The following REL variants were observed in gnomAD, a reference collection of about 807,000 sequenced individuals.
The protein encoded by REL is proto-oncogene c-Rel.
A neutral mutation model predicts 45.9 loss-of-function variants in REL; 15 were observed. That is an observed-to-expected ratio of 0.33 (90% CI 0.22 to 0.50). The LOEUF (loss-of-function observed/expected upper bound fraction) is 0.50, where lower values mean the gene tolerates loss of function less well. REL is among the 20% of genes least tolerant of loss of function. The pLI, the probability that REL is intolerant of heterozygous loss-of-function variation, is 0.98. For missense variants in REL, 601 were observed against 715.2 expected (o/e 0.84, Z 1.82); for synonymous variants, 239 against 242.1 (o/e 0.99, Z 0.12).
At position 60,920,601 on chromosome 2, in the gene REL, G is replaced by T. The variant is rs756078972; in HGVS notation, c.950G>T (p.Gly317Val). Residue 317 changes from glycine to valine, a missense_variant, in exon 9 of 10, where the codon GGT (glycine) becomes GTT (valine). This residue lies in a region of REL where 334 missense variants were observed against 333.1 expected (regional missense o/e 1.00). Coordinates refer to ENST00000394479, the MANE Select transcript of REL (RefSeq NM_001291746.2). ...AATTTTCCTGAGAGACCAAGACCTGGTCTCCTCGGTTCAATTGGAGAAGGA... is the reference window on the plus strand; with the variant it reads ...AATTTTCCTGAGAGACCAAGACCTGTTCTCCTCGGTTCAATTGGAGAAGGA... ...HVNFPERPRP[G>V]LLGSIGEGRY... is the part of the protein sequence containing the mutation. 2 of 1,604,794 alleles carry T rather than the reference G, an allele frequency of 1.2e-6. No individual in the cohort carries two copies. The highest frequency in any genetic ancestry group is 2.2e-5 in the South Asian group (2 of 90,746).
intron 1 of REL, among the ~76,000 whole-genome samples, chr2:60,885,946 C>G (rs566244417): frequency 2.6e-5 from 4 of 152,232 alleles, no homozygotes; most frequent in Admixed American, 1.3e-4. Context: ...TTTTTTCTTG[C>G]TTGCATTTGA....
In REL at chr2:60,926,608, A is replaced by G; in HGVS notation, c.*4073A>G. On this transcript the variant is annotated 3_prime_UTR_variant, in exon 10 of 10. Coordinates refer to ENST00000394479, the MANE Select transcript of REL (RefSeq NM_001291746.2). ...CCCCTACCCGCCCTCCGATGATCTT[A>G]TCAGAGCCCACAGGTTCAGTTTTCT... 8.7e-6 allele frequency: 2 copies of G among 230,852 alleles called. No homozygotes were observed. 14.3% of individuals were successfully genotyped at this position (230,852 alleles called of 1,614,324 possible). A position where few individuals can be genotyped will look rare whatever the true frequency, so the allele number is the denominator to read the frequency against.
chr2:60,891,852 C>T (rs1329055916), intron 2 of REL, 27 bp downstream of exon 2: 1 of 1,577,846 alleles, frequency 6.3e-7, no homozygotes, highest in African/African-American at 1.4e-5. Flanking sequence ...CTGTGTCTAT[C>T]TCACTATTAG....
chr2:60,898,682 G>A (rs997958702), intron 3 of REL, among the ~76,000 whole-genome samples: 2 of 152,242 alleles, frequency 1.3e-5, no homozygotes, highest in African/African-American at 4.8e-5. Context: ...CTGTTGCTCA[G>A]CTCTGCTGTT....
Position 60,923,374 on chromosome 2 carries a change from G to C in REL, c.*839G>C, listed in dbSNP as rs1181371810. 8.7e-6 allele frequency: 2 copies of C among 230,446 alleles called. No individual in the cohort carries two copies. The highest frequency in any genetic ancestry group is 1.7e-5 in the Non-Finnish European group (2 of 116,238). The allele number at this position is 230,446 out of a possible 1,614,324, so 14.3% of individuals were successfully genotyped here. On this transcript the variant is annotated 3_prime_UTR_variant, in exon 10 of 10. Coordinates refer to ENST00000394479, the MANE Select transcript of REL (RefSeq NM_001291746.2). ...TTTAAAGTTGCTTATGATTTTAGCTGTACACTCATTTTTTAAGGGGAAGAA... is the reference window on the plus strand; with the variant it reads ...TTTAAAGTTGCTTATGATTTTAGCTCTACACTCATTTTTTAAGGGGAAGAA...
Position 60,902,296 on chromosome 2 carries a change from C to T in REL, c.394+1213C>T, listed in dbSNP as rs144112780. Among the ~76,000 whole-genome samples the T allele has an allele frequency of 3.3e-3, 496 of 152,206 alleles. 6 individuals are homozygous for T. The highest frequency in any genetic ancestry group is 0.011 in the African/African-American group (475 of 41,540). On this transcript the variant is annotated intron_variant, in intron 4 of 9. Coordinates refer to ENST00000394479, the MANE Select transcript of REL (RefSeq NM_001291746.2). ...GCATCTCTTTAGGTTTTATTTTTCA[C>T]ACTATTTAGTATAAAGCGGAAAGTA...
intron 4 of REL, among the ~76,000 whole-genome samples, chr2:60,915,713 T>A (rs1673945107): frequency 6.6e-6 from 1 of 152,228 alleles, no homozygotes; most frequent in Non-Finnish European, 1.5e-5. Flanking sequence ...TTTAAAAATA[T>A]GACTTATTGC....
At chr2:60,892,714 G>A (rs112915627) in intron 2 of REL, among the ~76,000 whole-genome samples, 181 of 151,840 alleles carry the variant, frequency 1.2e-3, no homozygotes, top group African/African-American at 4.2e-3. Context: ...ATAGGCGTGA[G>A]CCACTGCGTC....
rs1424981289 is a variant in REL, at chr2:60,930,249, T to C, written c.*7714T>C. On this transcript the variant is annotated 3_prime_UTR_variant, in exon 10 of 10. Coordinates refer to ENST00000394479, the MANE Select transcript of REL (RefSeq NM_001291746.2). Reference sequence around the variant, plus strand: ...AATATTGTTAATAAACCAATATCTGTATATCCTATGTCCCGGATTAATCTT... The same window carrying C: ...AATATTGTTAATAAACCAATATCTGCATATCCTATGTCCCGGATTAATCTT... The C allele has an allele frequency of 1.3e-5, 2 of 152,392 alleles. No individual in the cohort carries two copies. The highest frequency in any genetic ancestry group is 4.8e-5 in the African/African-American group (2 of 41,472). The allele number at this position is 152,392 out of a possible 1,614,324, so 9.4% of individuals were successfully genotyped here. A position where few individuals can be genotyped will look rare whatever the true frequency, so the allele number is the denominator to read the frequency against.
chr2:60,891,990 A>T (rs911117093), intron 2 of REL, among the ~76,000 whole-genome samples, 165 bp downstream of exon 2: 2 of 151,724 alleles, frequency 1.3e-5, no homozygotes, highest in African/African-American at 4.8e-5. Flanking sequence ...CATCTATTAG[A>T]TAGATGTCTA....
intron 4 of REL, among the ~76,000 whole-genome samples, chr2:60,912,152 AT>A (rs1231180212): frequency 6.6e-6 from 1 of 152,210 alleles, no homozygotes; most frequent in Non-Finnish European, 1.5e-5. Flanking sequence ...ATTAATACTA[AT>A]TAAGGCAGTG....
At chr2:60,900,906 A>G (rs1288617524) in intron 3 of REL, 86 bp from the exon 4 acceptor site, 2 of 1,115,786 alleles carry the variant, frequency 1.8e-6, no homozygotes, top group Non-Finnish European at 2.6e-6. Context: ...TGACAGCATG[A>G]TAACTTCAGT....
At chr2:60,901,123 G>A in intron 4 of REL, 40 bp downstream of exon 4, 1 of 1,099,082 alleles carries the variant, frequency 9.1e-7, no homozygotes, top group Non-Finnish European at 1.2e-6. Flanking sequence ...TTATTTGGGT[G>A]TTGATTTCTG....
chr2:60,927,259 GA>G lies in REL; in HGVS notation c.*4727del. On this transcript the variant is annotated 3_prime_UTR_variant, in exon 10 of 10. Coordinates refer to ENST00000394479, the MANE Select transcript of REL (RefSeq NM_001291746.2). ...CATGGGAGTTAGTAAAATGTATATG[GA>G]AATGATTTTTAAAGGGAAAGGTAAT... The G allele has an allele frequency of 4.4e-6, 1 of 229,034 alleles. No homozygotes were observed. Among genetic ancestry groups the G allele is most frequent in the Non-Finnish European group, 8.7e-6 (1 of 115,294 alleles). The allele number at this position is 229,034 out of a possible 1,614,324, so 14.2% of individuals were successfully genotyped here. A position where few individuals can be genotyped will look rare whatever the true frequency, so the allele number is the denominator to read the frequency against.
rs1023396035 is a variant in REL, at chr2:60,925,083, T to C, written c.*2548T>C. The stretch of plus-strand genomic sequence containing the variant: ...TTAATTAGATCATTATATTTTATTA[T>C]TACAGATTAAAGTTGGGCAGTAATC... On this transcript the variant is annotated 3_prime_UTR_variant, in exon 10 of 10. Coordinates refer to ENST00000394479, the MANE Select transcript of REL (RefSeq NM_001291746.2). 4 of 198,198 alleles carry C rather than the reference T, an allele frequency of 2.0e-5. No homozygotes were observed. The highest frequency in any genetic ancestry group is 6.0e-5 in the Admixed American group (1 of 16,548). The allele number at this position is 198,198 out of a possible 1,614,324, so 12.3% of individuals were successfully genotyped here. A position where few individuals can be genotyped will look rare whatever the true frequency, so the allele number is the denominator to read the frequency against.
chr2:60,893,439 C>G (rs141406435), intron 2 of REL, among the ~76,000 whole-genome samples: 1 of 152,120 alleles, frequency 6.6e-6, no homozygotes, highest in Admixed American at 6.5e-5. Flanking sequence ...TAAGGAAATA[C>G]TATTTGTCCA....
chr2:60,904,837 C>T (rs1046264451), intron 4 of REL, among the ~76,000 whole-genome samples: 4 of 152,070 alleles, frequency 2.6e-5, no homozygotes, highest in South Asian at 2.1e-4. Context: ...CTGCAGTGAA[C>T]GGTGTTCTCA....
chr2:60,902,184 T>A (rs980542059), intron 4 of REL, among the ~76,000 whole-genome samples: 2 of 152,234 alleles, frequency 1.3e-5, no homozygotes, highest in Admixed American at 1.3e-4. Flanking sequence ...GTATTTTTCC[T>A]GGATGTATAA....
In REL at chr2:60,924,988, T is replaced by C. The variant is rs531179407; in HGVS notation, c.*2453T>C. 3 of 206,066 alleles carry C rather than the reference T, an allele frequency of 1.5e-5. No individual in the cohort carries two copies. The Admixed American group carries it at 1.8e-4, about 12-fold the overall frequency. The allele number at this position is 206,066 out of a possible 1,614,324, so 12.8% of individuals were successfully genotyped here. Reference sequence around the variant, plus strand: ...TTCACTTTGCTTCAAAACGTAGTTATATTTTGGAGTTTTCATTTGATATAT... The same window carrying C: ...TTCACTTTGCTTCAAAACGTAGTTACATTTTGGAGTTTTCATTTGATATAT... On this transcript the variant is annotated 3_prime_UTR_variant, in exon 10 of 10. Coordinates refer to ENST00000394479, the MANE Select transcript of REL (RefSeq NM_001291746.2).
Sources: gnomAD v4.1 joint callset for allele counts (sites outside exome capture counted in the v4.1 genomes callset) on GRCh38, gnomAD v4.1.1 for gene constraint, gnomAD v4.1.1 regional missense constraint, MANE v1.5 for transcripts, NCBI Gene and HGNC (gene_info 2026-07-23, HGNC 2026-07-21) for gene names.